UNC13C: variants seen among roughly 807,000 people sequenced by gnomAD.
UNC13C encodes the protein protein unc-13 homolog C.
Under a neutral mutation model 245.4 loss-of-function variants are expected in UNC13C, and 174 were observed. The ratio of observed to expected loss-of-function variants is 0.71; its 90% CI spans 0.63 to 0.80. UNC13C has a LOEUF of 0.80. Among genes scored for constraint, UNC13C ranks in the 30% least tolerant of loss-of-function variants. The probability of loss-of-function intolerance (pLI) is 0.00; values close to 1 mark genes in which losing one functional copy is unlikely to be tolerated. For missense variants in UNC13C, 2,829 were observed against 2,602.9 expected (o/e 1.09, Z -1.89); for synonymous variants, 992 against 895.1 (o/e 1.11, Z -1.93).
intron 25 of UNC13C, among the ~76,000 whole-genome samples, chr15:54,528,506 T>A (rs930668871): frequency 2.0e-5 from 3 of 152,128 alleles, no homozygotes; most frequent in Non-Finnish European, 4.4e-5. Context: ...AGGCTTTTTT[T>A]AAACCTTTTC....
chr15:54,180,060 C>T (rs79755086), intron 4 of UNC13C, among the ~76,000 whole-genome samples: 25,615 of 151,786 alleles, frequency 0.17, 2,632 homozygotes, highest in East Asian at 0.24. Flanking sequence ...GGTTCGTTAC[C>T]TGGGTATATT....
At chr15:54,131,815 C>T (rs1305122037) in intron 2 of UNC13C, among the ~76,000 whole-genome samples, 1 of 152,068 alleles carries the variant, frequency 6.6e-6, no homozygotes, top group African/African-American at 2.4e-5. Context: ...TGTTTACTGT[C>T]GCACTCCCAT....
rs35981487 is a variant in UNC13C, at chr15:54,485,002, A to AT, written c.4934-9596dup. 1.1e-4 allele frequency among the ~76,000 whole-genome samples: 16 copies of AT among 151,218 alleles called. No individual in the cohort carries two copies. The East Asian group carries it at 1.2e-3, about 11-fold the overall frequency. ...GGTTAATTTGAACTATTATGGATGA[A>AT]TTTTTTTTTTGTTTTATCAACAATT... On this transcript the variant is annotated intron_variant, in intron 19 of 32. Transcript: ENST00000260323.
intron 2 of UNC13C, among the ~76,000 whole-genome samples, chr15:54,026,613 G>A (rs1472959130): frequency 6.6e-6 from 1 of 152,116 alleles, no homozygotes; most frequent in Non-Finnish European, 1.5e-5. Flanking sequence ...ATCACATTAA[G>A]AAATACTTAA....
the UNC13C span, among the ~76,000 whole-genome samples, chr15:53,858,880 G>A: frequency 6.6e-6 from 1 of 152,008 alleles, no homozygotes; most frequent in African/African-American, 2.4e-5. Flanking sequence ...TAATTACCCA[G>A]CATAACTTGG....
chr15:54,304,396 A>G (rs2037668720), intron 13 of UNC13C, among the ~76,000 whole-genome samples: 1 of 152,078 alleles, frequency 6.6e-6, no homozygotes, highest in East Asian at 1.9e-4. Context: ...TATACATTTG[A>G]TTTAAAAATA....
At chr15:53,945,792 G>A in the UNC13C span, among the ~76,000 whole-genome samples, 2 of 152,086 alleles carry the variant, frequency 1.3e-5, no homozygotes, top group South Asian at 2.1e-4. Flanking sequence ...TAATATTATT[G>A]GTAGTTTAAT....
chr15:54,396,311 G>C (rs2040068837), intron 18 of UNC13C, among the ~76,000 whole-genome samples: 1 of 151,540 alleles, frequency 6.6e-6, no homozygotes, highest in African/African-American at 2.4e-5. Flanking sequence ...CTATGAATTA[G>C]TTTGGAAATG....
chr15:54,575,123 C>T (rs1006228143), intron 30 of UNC13C, among the ~76,000 whole-genome samples: 1 of 152,184 alleles, frequency 6.6e-6, no homozygotes, highest in Non-Finnish European at 1.5e-5. Flanking sequence ...GCAACCTCCA[C>T]CTCCTGGGTT....
chr15:54,069,416 G>A (rs983428659), intron 2 of UNC13C, among the ~76,000 whole-genome samples: 7 of 152,154 alleles, frequency 4.6e-5, no homozygotes, highest in Admixed American at 1.3e-4. Context: ...TCACAAGTGT[G>A]TTTGAATCCT....
chr15:54,083,851 C>T (rs1043035896), intron 2 of UNC13C, among the ~76,000 whole-genome samples: 3 of 152,170 alleles, frequency 2.0e-5, no homozygotes, highest in Non-Finnish European at 2.9e-5. Context: ...ATTTCCCAGG[C>T]AGGACAGTGG....
At chr15:54,269,622 A>G (rs1384315681) in intron 10 of UNC13C, among the ~76,000 whole-genome samples, 1 of 152,142 alleles carries the variant, frequency 6.6e-6, no homozygotes, top group Non-Finnish European at 1.5e-5. Flanking sequence ...TTGATGTGAC[A>G]ATTCGCAGTG....
chr15:54,419,043 A>G (rs1175539594), intron 19 of UNC13C, among the ~76,000 whole-genome samples: 1 of 152,166 alleles, frequency 6.6e-6, no homozygotes, highest in Non-Finnish European at 1.5e-5. Context: ...TGTATAATTA[A>G]TCTAGAATCA....
the UNC13C span, among the ~76,000 whole-genome samples, chr15:53,858,307 G>A: frequency 1.1e-4 from 16 of 151,792 alleles, no homozygotes; most frequent in African/African-American, 3.4e-4. Flanking sequence ...GTTAAATTAT[G>A]TTTGGTTTCA....
intron 18 of UNC13C, among the ~76,000 whole-genome samples, chr15:54,409,962 C>G (rs1020751424): frequency 7.9e-5 from 12 of 152,232 alleles, no homozygotes; most frequent in Non-Finnish European, 1.3e-4. Context: ...CTGTTTTCCA[C>G]AGTGGCTGAA....
At chr15:54,168,672 C>T (rs1268998413) in intron 4 of UNC13C, among the ~76,000 whole-genome samples, 5 of 152,052 alleles carry the variant, frequency 3.3e-5, no homozygotes, top group Admixed American at 6.5e-5. Flanking sequence ...AATAGTATAA[C>T]ACAACGCGTC....
intron 10 of UNC13C, among the ~76,000 whole-genome samples, chr15:54,279,271 T>C (rs62011991): frequency 0.025 from 3,771 of 152,302 alleles, 82 homozygotes; most frequent in East Asian, 0.074. Context: ...TTGTGAATTC[T>C]TAAGAACATT....
chr15:54,617,439 G>A (rs1900515700), intron 30 of UNC13C, among the ~76,000 whole-genome samples: 1 of 151,970 alleles, frequency 6.6e-6, no homozygotes, highest in African/African-American at 2.4e-5. Context: ...TTATAAGTTA[G>A]AGATCTGAAG....
intron 30 of UNC13C, among the ~76,000 whole-genome samples, chr15:54,607,549 A>G (rs1899834481): frequency 6.6e-6 from 1 of 152,172 alleles, no homozygotes; most frequent in Non-Finnish European, 1.5e-5. Flanking sequence ...TGTTTCAGAC[A>G]AGGTATTAGT....
Sources: gnomAD v4.1 joint callset for allele counts (sites outside exome capture counted in the v4.1 genomes callset) on GRCh38, gnomAD v4.1.1 for gene constraint, MANE v1.5 for transcripts, NCBI Gene and HGNC (gene_info 2026-07-23, HGNC 2026-07-21) for gene names.